The following SSBP2 variants were observed in gnomAD, a reference collection of about 807,000 sequenced individuals.
The protein encoded by SSBP2 is single-stranded DNA-binding protein 2.
Under a neutral mutation model 61.8 loss-of-function variants are expected in SSBP2, and 17 were observed. The observed-to-expected ratio is 0.28, with a 90% CI of 0.19 to 0.41. The LOEUF (loss-of-function observed/expected upper bound fraction) is 0.41, where lower values mean the gene tolerates loss of function less well. Among genes scored for constraint, SSBP2 ranks in the 10% least tolerant of loss-of-function variants. The probability of loss-of-function intolerance (pLI) is 1.00; values close to 1 mark genes in which losing one functional copy is unlikely to be tolerated. For missense variants in SSBP2, 310 were observed against 458.7 expected (o/e 0.68, Z 2.96); for synonymous variants, 139 against 141.3 (o/e 0.98, Z 0.12).
chr5:81,623,747 A>C (rs555239897), intron 3 of SSBP2, among the ~76,000 whole-genome samples: 19 of 152,266 alleles, frequency 1.2e-4, no homozygotes, highest in Non-Finnish European at 2.4e-4. Flanking sequence ...AGAAATAATT[A>C]TTTCTAAATA....
At chr5:81,624,391 T>C (rs1476212051) in intron 3 of SSBP2, among the ~76,000 whole-genome samples, 2 of 152,210 alleles carry the variant, frequency 1.3e-5, no homozygotes, top group Non-Finnish European at 2.9e-5. Flanking sequence ...GTATCCCTTA[T>C]CTGAAATTCT....
At chr5:81,449,239 A>C (rs561638187) in intron 10 of SSBP2, among the ~76,000 whole-genome samples, 7 of 152,320 alleles carry the variant, frequency 4.6e-5, no homozygotes, top group African/African-American at 1.4e-4. Flanking sequence ...GAGTCTCCAA[A>C]GACTATTAAT....
chr5:81,553,052 G>A (rs1287352312), intron 4 of SSBP2, among the ~76,000 whole-genome samples: 2 of 152,118 alleles, frequency 1.3e-5, no homozygotes, highest in African/African-American at 2.4e-5. Flanking sequence ...GCTGAGAATC[G>A]GAAGAGGAGG....
chr5:81,681,402 C>T (rs1396390977), intron 1 of SSBP2, among the ~76,000 whole-genome samples: 1 of 151,586 alleles, frequency 6.6e-6, no homozygotes, highest in Non-Finnish European at 1.5e-5. Flanking sequence ...CACCTGTAAT[C>T]TCAGCTAGTT....
At chr5:81,506,922 A>G (rs1417373228) in intron 5 of SSBP2, among the ~76,000 whole-genome samples, 1 of 152,136 alleles carries the variant, frequency 6.6e-6, no homozygotes, top group African/African-American at 2.4e-5. Flanking sequence ...AATATCAAAA[A>G]TATTATACAC....
intron 5 of SSBP2, 26 bp downstream of exon 5, chr5:81,513,602 T>C (rs1487664613): frequency 7.1e-7 from 1 of 1,403,740 alleles, no homozygotes; most frequent in Non-Finnish European, 1.0e-6. Context: ...TGCTTTAACA[T>C]TCCTAGTCAG....
In SSBP2 at chr5:81,725,717, T is replaced by C. The variant is rs572353566; in HGVS notation, c.62+25264A>G. 7.2e-5 allele frequency among the ~76,000 whole-genome samples: 11 copies of C among 152,302 alleles called. No individual in the cohort carries two copies. In the East Asian group the frequency reaches 1.9e-3, roughly 27 times the overall value. ...AGAGATCCAAATGGGTAGCGGTTTTTTGATGTTTTTGGCACTGAAATACAG... is the reference window on the plus strand; with the variant it reads ...AGAGATCCAAATGGGTAGCGGTTTTCTGATGTTTTTGGCACTGAAATACAG... On this transcript the variant is annotated intron_variant, in intron 1 of 16. Transcript: ENST00000320672.
chr5:81,475,892 T>C (rs547525838), intron 6 of SSBP2, among the ~76,000 whole-genome samples: 25 of 152,056 alleles, frequency 1.6e-4, no homozygotes, highest in Non-Finnish European at 2.6e-4. Flanking sequence ...GATTGAATAA[T>C]TGTGTGTGTA....
chr5:81,540,531 T>G (rs941940669), intron 4 of SSBP2, among the ~76,000 whole-genome samples: 1 of 152,234 alleles, frequency 6.6e-6, no homozygotes, highest in Non-Finnish European at 1.5e-5. Context: ...GTTGGCTGCA[T>G]AAATGTCTTC....
chr5:81,708,938 T>C (rs374520465), intron 1 of SSBP2, among the ~76,000 whole-genome samples: 1 of 151,996 alleles, frequency 6.6e-6, no homozygotes, highest in African/African-American at 2.4e-5. Context: ...TTATTGTGAT[T>C]ACATTTTTTT....
At chr5:81,528,905 T>C (rs1770167704) in intron 4 of SSBP2, among the ~76,000 whole-genome samples, 1 of 152,050 alleles carries the variant, frequency 6.6e-6, no homozygotes, top group Admixed American at 6.6e-5. Flanking sequence ...AACAAATCAA[T>C]AATCACAGTG....
chr5:81,505,688 CA>C (rs1768131287), intron 5 of SSBP2, among the ~76,000 whole-genome samples: 1 of 152,078 alleles, frequency 6.6e-6, no homozygotes, highest in South Asian at 2.1e-4. Flanking sequence ...ATGATCTGAA[CA>C]ATAGCTAAGC....
chr5:81,423,055 A>AG (rs1761709162), intron 16 of SSBP2, among the ~76,000 whole-genome samples: 1 of 152,274 alleles, frequency 6.6e-6, no homozygotes, highest in African/African-American at 2.4e-5. Flanking sequence ...AAAGAAAATA[A>AG]GTGGTTAGCA....
chr5:81,525,739 A>ATCC (rs1769879846), intron 4 of SSBP2, among the ~76,000 whole-genome samples: 1 of 151,952 alleles, frequency 6.6e-6, no homozygotes, highest in Non-Finnish European at 1.5e-5. Context: ...ACCTCTGCCT[A>ATCC]TTACCTGTAC....
chr5:81,743,708 C>G (rs1275708622), intron 1 of SSBP2, among the ~76,000 whole-genome samples: 1 of 152,144 alleles, frequency 6.6e-6, no homozygotes, highest in Admixed American at 6.5e-5. Flanking sequence ...AAGAAGATGT[C>G]TCCTAAGCAA....
At chr5:81,448,716 C>G in intron 11 of SSBP2, 74 bp downstream of exon 11, 2 of 1,469,278 alleles carry the variant, frequency 1.4e-6, no homozygotes, top group South Asian at 1.2e-5. Context: ...TTCTTAACAT[C>G]TGGACAACTG....
chr5:81,515,253 A>G (rs1768928306), intron 4 of SSBP2, among the ~76,000 whole-genome samples: 1 of 152,032 alleles, frequency 6.6e-6, no homozygotes, highest in African/African-American at 2.4e-5. Flanking sequence ...GAAAGATTTG[A>G]TCTATATCTT....
At chr5:81,697,300 C>G (rs1050788530) in intron 1 of SSBP2, among the ~76,000 whole-genome samples, 1 of 152,140 alleles carries the variant, frequency 6.6e-6, no homozygotes, top group African/African-American at 2.4e-5. Context: ...CTGTACAAAA[C>G]TGAGGAGCAG....
chr5:81,592,973 A>G (rs2972240), intron 4 of SSBP2, among the ~76,000 whole-genome samples: 101,255 of 152,046 alleles, frequency 0.67, 34,082 homozygotes, highest in East Asian at 0.94. Context: ...CACAAGCAAC[A>G]GAACAAAGCT....
Sources: gnomAD v4.1 joint callset for allele counts (sites outside exome capture counted in the v4.1 genomes callset) on GRCh38, gnomAD v4.1.1 for gene constraint, MANE v1.5 for transcripts, NCBI Gene and HGNC (gene_info 2026-07-23, HGNC 2026-07-21) for gene names.